FIG4: variants seen among roughly 807,000 people sequenced by gnomAD.
The protein encoded by FIG4 is FIG4 phosphoinositide 5-phosphatase.
A neutral mutation model predicts 118.6 loss-of-function variants in FIG4; 112 were observed. The observed-to-expected ratio is 0.94, with a 90% CI of 0.81 to 1.11. The LOEUF is 1.11. Ranked by LOEUF, FIG4 falls within the 50% of genes least tolerant of loss-of-function variation. FIG4 has a pLI of 0.00. For synonymous variants in FIG4, 369 were observed against 381.2 expected (o/e 0.97, Z 0.37); for missense variants, 969 against 1,111.7 (o/e 0.87, Z 1.83).
chr6:109,715,236 GAAATA>G, intron 2 of FIG4, 60 bp downstream of exon 2: 1 of 817,272 alleles, frequency 1.2e-6, no homozygotes, highest in Non-Finnish European at 2.1e-6. Context: ...TAAAGGACAT[GAAATA>G]TCCTTACAGT....
intron 15 of FIG4, among the ~76,000 whole-genome samples, chr6:109,768,196 AG>A (rs997955704): frequency 6.6e-6 from 1 of 152,152 alleles, no homozygotes; most frequent in African/African-American, 2.4e-5. Context: ...CTGGCCAGTA[AG>A]GCCCCTGGAA....
At chr6:109,727,086 T>C in intron 3 of FIG4, 23 bp from the exon 4 acceptor site, 2 of 1,571,344 alleles carry the variant, frequency 1.3e-6, no homozygotes, top group East Asian at 2.2e-5. Flanking sequence ...AAAGCATATT[T>C]CTCTTTATTT....
In FIG4 at chr6:109,784,015, G is replaced by C. The variant is rs78547859; in HGVS notation, c.1890-955G>C. ...TTCCCTGTGTTGCCAGTTTCATTTG[G>C]ATACTTTCCTGTTGCTTCATAATCA... On this transcript the variant is annotated intron_variant, in intron 16 of 22. Transcript: ENST00000230124. Among the ~76,000 whole-genome samples, 1,110 of 152,140 alleles carry C rather than the reference G, an allele frequency of 7.3e-3. 16 individuals are homozygous for C. The highest frequency in any genetic ancestry group is 7.1e-3 in the Non-Finnish European group (480 of 67,994).
intron 22 of FIG4, 42 bp downstream of exon 22, chr6:109,796,893 T>C (rs1453059998): frequency 3.5e-6 from 4 of 1,132,748 alleles, no homozygotes; most frequent in Non-Finnish European, 1.4e-6. Flanking sequence ...TTTGTATTCA[T>C]GCCACTCATA....
rs1241698068 is a variant in FIG4, at chr6:109,707,279, G to GTATA, written c.67-7789_67-7786dup. Among the ~76,000 whole-genome samples, 221 of 145,424 alleles carry GTATA rather than the reference G, an allele frequency of 1.5e-3. 3 individuals are homozygous for GTATA. Among genetic ancestry groups the GTATA allele is most frequent in the Middle Eastern group, 7.1e-3 (2 of 280 alleles). On this transcript the variant is annotated intron_variant, in intron 1 of 22. Coordinates refer to ENST00000230124, the MANE Select transcript of FIG4 (RefSeq NM_014845.6). ...TTTATAAACTGATGTGTGTGTGTGT[G>GTATA]TATATATATATATGTGTGTGTGTGT...
intron 7 of FIG4, among the ~76,000 whole-genome samples, chr6:109,739,146 A>G (rs895788641): frequency 6.6e-6 from 1 of 152,160 alleles, no homozygotes; most frequent in African/African-American, 2.4e-5. Context: ...AAGTAACATG[A>G]GTTAGGAAAA....
At chr6:109,795,320 C>T (rs1338699744) in intron 21 of FIG4, among the ~76,000 whole-genome samples, 2 of 151,674 alleles carry the variant, frequency 1.3e-5, no homozygotes, top group Non-Finnish European at 2.9e-5. Context: ...AAGTTCTGTA[C>T]AAATAATCAG....
chr6:109,775,641 T>C (rs1486772258), intron 15 of FIG4, among the ~76,000 whole-genome samples: 4 of 152,124 alleles, frequency 2.6e-5, no homozygotes, highest in African/African-American at 9.7e-5. Context: ...AGGGTACAAA[T>C]TGGGGCAGTA....
intron 22 of FIG4, among the ~76,000 whole-genome samples, chr6:109,804,869 A>C (rs1333190882): frequency 6.6e-6 from 1 of 152,192 alleles, no homozygotes; most frequent in Non-Finnish European, 1.5e-5. Flanking sequence ...TGAGTTCTTG[A>C]GAGCAAGGCC....
At chr6:109,766,142 A>T (rs1431832895) in intron 14 of FIG4, among the ~76,000 whole-genome samples, 1 of 152,174 alleles carries the variant, frequency 6.6e-6, no homozygotes, top group Non-Finnish European at 1.5e-5. Context: ...CTTATTATAA[A>T]AGACTGAAGA....
intron 3 of FIG4, among the ~76,000 whole-genome samples, chr6:109,726,532 G>A (rs1239461572): frequency 6.6e-6 from 1 of 152,080 alleles, no homozygotes; most frequent in Non-Finnish European, 1.5e-5. Flanking sequence ...GTCAGGTAGT[G>A]TGATGCCTCC....
intron 12 of FIG4, among the ~76,000 whole-genome samples, chr6:109,763,630 A>G (rs1777178863): frequency 6.6e-6 from 1 of 152,216 alleles, no homozygotes; most frequent in Non-Finnish European, 1.5e-5. Flanking sequence ...CCAAACAGGA[A>G]TTGGGTTTGA....
chr6:109,769,087 C>T (rs577741735), intron 15 of FIG4, among the ~76,000 whole-genome samples: 13 of 150,022 alleles, frequency 8.7e-5, no homozygotes, highest in African/African-American at 3.2e-4. Flanking sequence ...ATTATTGACA[C>T]TTAAGGATCA....
At chr6:109,820,458 C>G (rs1177673736) in intron 22 of FIG4, among the ~76,000 whole-genome samples, 1 of 152,142 alleles carries the variant, frequency 6.6e-6, no homozygotes, top group African/African-American at 2.4e-5. Flanking sequence ...ATCTGAACAT[C>G]TGCAGTATGC....
chr6:109,727,697 T>C (rs956656396), intron 4 of FIG4, among the ~76,000 whole-genome samples: 2 of 152,156 alleles, frequency 1.3e-5, no homozygotes, highest in Non-Finnish European at 2.9e-5. Context: ...ATAATCAAAC[T>C]TCACATCACC....
At chr6:109,732,342 T>C (rs1337724521) in intron 4 of FIG4, among the ~76,000 whole-genome samples, 1 of 152,176 alleles carries the variant, frequency 6.6e-6, no homozygotes, top group Non-Finnish European at 1.5e-5. Context: ...AAAAACAGCA[T>C]TTACTTCTGT....
intron 22 of FIG4, among the ~76,000 whole-genome samples, chr6:109,805,301 C>A (rs1394728261): frequency 2.0e-5 from 3 of 152,150 alleles, no homozygotes; most frequent in Non-Finnish European, 4.4e-5. Context: ...CTCTTGAAGT[C>A]CCTTGATCAA....
intron 15 of FIG4, among the ~76,000 whole-genome samples, chr6:109,773,300 C>T (rs1777520169): frequency 6.6e-6 from 1 of 152,038 alleles, no homozygotes; most frequent in Non-Finnish European, 1.5e-5. Context: ...TCCTTTTTAC[C>T]ATGTAGTAGA....
intron 10 of FIG4, among the ~76,000 whole-genome samples, chr6:109,751,021 A>G (rs1391031575): frequency 6.6e-6 from 1 of 152,214 alleles, no homozygotes; most frequent in Non-Finnish European, 1.5e-5. Flanking sequence ...CATTTGATGT[A>G]TTCAGCTGTG....
Sources: allele counts gnomAD v4.1 joint callset (sites outside exome capture counted in the v4.1 genomes callset), GRCh38; gene constraint gnomAD v4.1.1; transcripts MANE v1.5; gene names NCBI Gene and HGNC (gene_info 2026-07-23, HGNC 2026-07-21).